The following HTR3D variants were observed in gnomAD, a reference collection of about 807,000 sequenced individuals.
The protein encoded by HTR3D is 5-hydroxytryptamine (serotonin) receptor 3 family member D.
Under a neutral mutation model 45.8 loss-of-function variants are expected in HTR3D, and 47 were observed. The ratio of observed to expected loss-of-function variants is 1.03; its 90% CI spans 0.81 to 1.31. The LOEUF (loss-of-function observed/expected upper bound fraction) is 1.31, where lower values mean the gene tolerates loss of function less well. Among genes scored for constraint, HTR3D ranks in the 50% most tolerant of loss-of-function variants. The pLI, the probability that HTR3D is intolerant of heterozygous loss-of-function variation, is 0.00. For missense variants in HTR3D, 448 were observed against 506.9 expected, an observed-to-expected ratio of 0.88 and a Z score of 1.12; for synonymous variants, 203 against 199.8, an observed-to-expected ratio of 1.02 and a Z score of -0.13.
intron 4 of HTR3D, 94 bp downstream of exon 4, chr3:184,036,638 A>C: frequency 6.3e-7 from 1 of 1,587,902 alleles, no homozygotes; most frequent in Non-Finnish European, 8.6e-7. Context: ...AATCTTGCTG[A>C]AAAGGGCCTG....
chr3:184,035,105 G>C, intron 1 of HTR3D, 73 bp from the exon 2 acceptor site: 2 of 1,550,748 alleles, frequency 1.3e-6, no homozygotes, highest in Non-Finnish European at 1.7e-6. Context: ...CCTTGGAAGT[G>C]AACAAGGAGA....
rs1361546232 is a variant in HTR3D at position 184,039,299 on chromosome 3, T to TA, written c.*332dup. On this transcript the variant is annotated 3_prime_UTR_variant, in exon 8 of 8. Transcript: ENST00000428798. ...GGCTTTTCCCTGAATTCTGTTATGGTAAAAAAAATCTTGGGATTGAGAGTC... is the reference window on the plus strand; with the variant it reads ...GGCTTTTCCCTGAATTCTGTTATGGTAAAAAAAAATCTTGGGATTGAGAGTC... 5.2e-5 allele frequency: 12 copies of TA among 228,920 alleles called. No homozygotes were observed. The highest frequency in any genetic ancestry group is 1.1e-4 in the Admixed American group (2 of 18,464). 14.2% of individuals were successfully genotyped at this position (228,920 alleles called of 1,614,324 possible).
At chr3:184,035,410 G>T (rs1208212060) in intron 2 of HTR3D, among the ~76,000 whole-genome samples, 188 bp downstream of exon 2, 5 of 152,178 alleles carry the variant, frequency 3.3e-5, no homozygotes, top group African/African-American at 7.2e-5. Context: ...CAGAAAATGG[G>T]CACAGGGAGA....
At chr3:184,035,138 T>C in intron 1 of HTR3D, 40 bp from the exon 2 acceptor site, 1 of 1,551,728 alleles carries the variant, frequency 6.4e-7, no homozygotes, top group East Asian at 2.4e-5. Context: ...GGGACCTGCC[T>C]TCCTGGAGTT....
Position 184,035,176 on chromosome 3 carries a change from A to C in HTR3D, c.67-2A>C, listed in dbSNP as rs77099580. 66,562 of 1,552,008 alleles carry C rather than the reference A, an allele frequency of 0.043. 1,710 individuals are homozygous for C. The highest frequency in any genetic ancestry group is 0.051 in the Non-Finnish European group (58,582 of 1,146,996). On this transcript the variant is annotated splice_acceptor_variant, in intron 1 of 7. Coordinates refer to ENST00000428798, the MANE Select transcript of HTR3D (RefSeq NM_001145143.1). LOFTEE classifies it high-confidence loss of function. ...TCATCTAGATGAAAGCTGCTATTCC[A>C]GGATTCACACCTTCAACTGGTGACA...
At chr3:184,036,169 G>A in intron 3 of HTR3D, 69 bp downstream of exon 3, 1 of 1,505,834 alleles carries the variant, frequency 6.6e-7, no homozygotes. Context: ...TTACCGATAA[G>A]GCCACACAAA....
Position 184,038,626 on chromosome 3 carries a change from T to G in HTR3D, c.985+2T>G. On this transcript the variant is annotated splice_donor_variant, in intron 7 of 7. Coordinates refer to ENST00000428798, the MANE Select transcript of HTR3D (RefSeq NM_001145143.1). LOFTEE classifies it high-confidence loss of function. The surrounding 1 kb of genome is among the most constrained non-coding windows in gnomAD (Gnocchi z 4.5). ...GTCTCACCCCCACCCACCTGCCCGG[T>G]GAGGGAAGTCATACTTCCTCTTCCC... is the stretch of plus-strand genomic sequence containing the variant. 3.1e-6 allele frequency: 5 copies of G among 1,611,684 alleles called. No homozygotes were observed. Among genetic ancestry groups the G allele is most frequent in the Non-Finnish European group, 4.2e-6 (5 of 1,178,782 alleles).
rs1479665707 is a variant in HTR3D at position 184,038,538 on chromosome 3, T to C, written c.899T>C (p.Leu300Pro). The C allele has an allele frequency of 3.7e-6, 6 of 1,613,858 alleles. No individual in the cohort carries two copies. The highest frequency in any genetic ancestry group is 1.1e-5 in the South Asian group (1 of 91,066). Residue 300 changes from leucine (L) to proline (P), a missense_variant, in exon 7 of 8, where the codon CTG becomes CCG. Physicochemically the swap from Leu to Pro is moderately conservative, Grantham distance 98. Coordinates refer to ENST00000428798, the MANE Select transcript of HTR3D (RefSeq NM_001145143.1). This position sits in a 1 kb window ranked among gnomAD's most constrained non-coding sequence, Gnocchi z 4.5. Reference protein sequence around the residue: ...PLPRWLHSLLLHCTGQGRCCP... With the variant: ...PLPRWLHSLLPHCTGQGRCCP... ...CCTCGGTGGCTCCACTCCCTGCTGCTGCACTGCACCGGCCAAGGGAGATGC... is the reference window on the plus strand; with the variant it reads ...CCTCGGTGGCTCCACTCCCTGCTGCCGCACTGCACCGGCCAAGGGAGATGC...
At position 184,037,035 on chromosome 3, in the gene HTR3D, C is replaced by CT. The variant is rs1722926448; in HGVS notation, c.516+140dup. On this transcript the variant is annotated intron_variant, in intron 5 of 7. Coordinates refer to ENST00000428798, the MANE Select transcript of HTR3D (RefSeq NM_001145143.1). ...GAACCACGAAGCCCGGCCTTTGTCA[C>CT]TCTTTTTTTTTTTTTAAATTTGAGA... 4.3e-6 allele frequency: 3 copies of CT among 693,392 alleles called. No homozygotes were observed. In the East Asian group the frequency reaches 8.7e-5, roughly 20 times the overall value. The allele number at this position is 693,392 out of a possible 1,614,324, so 43.0% of individuals were successfully genotyped here.
chr3:184,035,955 A>G (rs1722873483), intron 2 of HTR3D, 60 bp from the exon 3 acceptor site: 1 of 1,524,622 alleles, frequency 6.6e-7, no homozygotes, highest in African/African-American at 1.4e-5. Context: ...AGCCTTCCAA[A>G]GTGCTGGGAT....
In HTR3D at chr3:184,036,430, T is replaced by A; in HGVS notation, c.253T>A (p.Ser85Thr). 6.2e-7 allele frequency: 1 copy of A among 1,614,186 alleles called. No homozygotes were observed. Among genetic ancestry groups the A allele is most frequent in the Non-Finnish European group, 8.5e-7 (1 of 1,180,034 alleles). Residue 85 changes from serine (S) to threonine (T), a missense_variant, in exon 4 of 8, where the codon TCA (serine) becomes ACA (threonine). Ser to Thr is a moderately conservative substitution (Grantham distance 58). Transcript: ENST00000428798. ...MASMSIVKATSNTISQCGWSA... is the reference protein window; with the variant it reads ...MASMSIVKATTNTISQCGWSA... ...TAGTATGTCAATAGTGAAGGCCACATCAAACACAATAAGCCAATGTGGGTG... is the reference window on the plus strand; with the variant it reads ...TAGTATGTCAATAGTGAAGGCCACAACAAACACAATAAGCCAATGTGGGTG...
chr3:184,036,227 C>A, intron 3 of HTR3D, 127 bp downstream of exon 3: 2 of 1,482,692 alleles, frequency 1.3e-6, no homozygotes, highest in Non-Finnish European at 1.8e-6. Context: ...GCTTACAAAC[C>A]CCCAGAATAT....
At chr3:184,034,563 A>G (rs536986626) in intron 1 of HTR3D, among the ~76,000 whole-genome samples, 2 of 152,286 alleles carry the variant, frequency 1.3e-5, no homozygotes, top group South Asian at 2.1e-4. Context: ...TAAAATGGTT[A>G]AGAGAGTACA....
At chr3:184,033,584 A>G (rs2108959402) in intron 1 of HTR3D, among the ~76,000 whole-genome samples, 1 of 152,330 alleles carries the variant, frequency 6.6e-6, no homozygotes, top group South Asian at 2.1e-4. Flanking sequence ...TCAAAGCTAC[A>G]GTAAGATATC....
chr3:184,036,821 G>C lies in HTR3D; in HGVS notation c.441G>C (p.Trp147Cys). The change falls in exon 5 of 8, where the codon TGG (tryptophan) becomes TGC (cysteine). Residue 147 changes from tryptophan (W) to cysteine (C), a missense_variant. Trp to Cys is a radical substitution (Grantham distance 215, BLOSUM62 -2). Transcript: ENST00000428798. ...HRTSFRTRRE[W>C]VLLGIQKRTI... Reference sequence around the variant, plus strand: ...CCTCATTCAGAACAAGGAGGGAGTGGGTACTGCTGGGTATCCAAAAAAGAA... The same window carrying C: ...CCTCATTCAGAACAAGGAGGGAGTGCGTACTGCTGGGTATCCAAAAAAGAA... The C allele has an allele frequency of 6.4e-7, 1 of 1,551,752 alleles. No individual in the cohort carries two copies. Among genetic ancestry groups the C allele is most frequent in the South Asian group, 1.2e-5 (1 of 84,046 alleles).
At chr3:184,031,900 G>A in intron 1 of HTR3D, 93 bp downstream of exon 1, 2 of 845,008 alleles carry the variant, frequency 2.4e-6, no homozygotes, top group Non-Finnish European at 3.9e-6. Context: ...GATAGTCAAT[G>A]ATTGGATGTT....
upstream of HTR3D, chr3:184,031,641 G>GAT (rs554265970): frequency 7.7e-6 from 6 of 778,892 alleles, no homozygotes; most frequent in South Asian, 6.1e-5. Flanking sequence ...AATGCCAGCT[G>GAT]ATATATATAT....
intron 5 of HTR3D, 56 bp from the exon 6 acceptor site, chr3:184,037,965 G>C (rs1247118213): frequency 1.9e-6 from 3 of 1,590,588 alleles, no homozygotes; most frequent in Non-Finnish European, 2.6e-6. Context: ...ACTCTTACCT[G>C]TCTTGACAGC....
At position 184,038,206 on chromosome 3, in the gene HTR3D, C is replaced by G; in HGVS notation, c.702C>G (p.Leu234=). ...TCCTGCTCATGATGAATGACTTGCT[C>G]CCAGCCACTAGCACTTCATCACATG... ...SVFLLMMNDL[L]PATSTSSHAS... The change falls in exon 6 of 8, where the codon CTC becomes CTG. Residue 234 remains leucine (L), a synonymous_variant. Transcript: ENST00000428798. The surrounding 1 kb of genome is among the most constrained non-coding windows in gnomAD (Gnocchi z 4.5). The G allele has an allele frequency of 6.2e-7, 1 of 1,614,192 alleles. No homozygotes were observed. The highest frequency in any genetic ancestry group is 2.2e-5 in the East Asian group (1 of 44,890).
Sources: allele counts gnomAD v4.1 joint callset (sites outside exome capture counted in the v4.1 genomes callset), GRCh38; gene constraint gnomAD v4.1.1; non-coding constraint Gnocchi (gnomAD v3.1); transcripts MANE v1.5; gene names NCBI Gene and HGNC (gene_info 2026-07-23, HGNC 2026-07-21).